Variants in MAPK14 observed in about 807,000 individuals in gnomAD.
The protein encoded by MAPK14 is mitogen-activated protein kinase 14, also known as CSAID-binding protein.
A neutral mutation model predicts 49.6 loss-of-function variants in MAPK14; 16 were observed. The observed-to-expected ratio is 0.32, with a 90% CI of 0.22 to 0.49. The LOEUF (loss-of-function observed/expected upper bound fraction) is 0.49. Ranked by LOEUF, MAPK14 falls within the 20% of genes least tolerant of loss-of-function variation. The probability of loss-of-function intolerance (pLI) is 0.99; values close to 1 mark genes in which losing one functional copy is unlikely to be tolerated. For missense variants in MAPK14, 200 were observed against 441.2 expected (o/e 0.45, Z 4.90); for synonymous variants, 142 against 158.0 (o/e 0.90, Z 0.76).
At chr6:36,053,189 A>G (rs1271879754) in intron 2 of MAPK14, among the ~76,000 whole-genome samples, 2 of 148,172 alleles carry the variant, frequency 1.3e-5, no homozygotes, top group African/African-American at 4.9e-5. Context: ...TTATGAGAAT[A>G]TGGGAGTCTG....
chr6:36,028,177 C>A lies in MAPK14; in HGVS notation c.20C>A (p.Thr7Lys), dbSNP rs199820420. MSQERP[T>K]FYRQELNKTI... is the part of the protein sequence containing the mutation. ...TGGAAAATGTCTCAGGAGAGGCCCA[C>A]GTTCTACCGGCAGGAGCTGAACAAG... The change falls in exon 1 of 12, where the codon ACG (threonine) becomes AAG (lysine). Residue 7 changes from threonine (T) to lysine (K), a missense_variant. Transcript: ENST00000229794. The surrounding 1 kb of genome is among the most constrained non-coding windows in gnomAD (Gnocchi z 5.1). 3.1e-6 allele frequency: 5 copies of A among 1,613,270 alleles called. No homozygotes were observed. In the African/African-American group the frequency reaches 6.7e-5, roughly 22 times the overall value.
Position 36,074,614 on chromosome 6 carries a change from C to T in MAPK14, c.495+518C>T, listed in dbSNP as rs530741330. 5.0e-4 allele frequency among the ~76,000 whole-genome samples: 75 copies of T among 150,992 alleles called. 1 individual carries two copies. In the East Asian group the frequency reaches 0.012, roughly 24 times the overall value. On this transcript the variant is annotated intron_variant, in intron 6 of 11. Transcript: ENST00000229794. ...CTCACATTTATGATAAAGACCATTT[C>T]TTTTTTTTTCCTTTTTTTTGGGATG... is the stretch of plus-strand genomic sequence containing the variant.
intron 8 of MAPK14, among the ~76,000 whole-genome samples, chr6:36,089,134 G>A (rs929303407): frequency 6.6e-6 from 1 of 152,194 alleles, no homozygotes; most frequent in African/African-American, 2.4e-5. Flanking sequence ...ATTCAGAATA[G>A]CAAAGACATG....
At chr6:36,105,312 G>A (rs572867685) in intron 10 of MAPK14, among the ~76,000 whole-genome samples, 2 of 152,026 alleles carry the variant, frequency 1.3e-5, no homozygotes, top group Admixed American at 6.5e-5. Flanking sequence ...GCACAGTCAC[G>A]GTTCATGATA....
rs112739329 is a variant in MAPK14, at chr6:36,053,440, G to A, written c.246+612G>A. Among the ~76,000 whole-genome samples, 1,355 of 151,918 alleles carry A rather than the reference G, an allele frequency of 8.9e-3. 13 individuals carry two copies. Among genetic ancestry groups the A allele is most frequent in the Non-Finnish European group, 0.013 (888 of 67,916 alleles). ...ACTTTTTCTTTTTTACCAATTTGTT[G>A]ATTCAGTTGCCATTCTGCAAAGATG... On this transcript the variant is annotated intron_variant, in intron 2 of 11. Transcript: ENST00000229794.
At chr6:36,039,487 G>C (rs769045233) in intron 1 of MAPK14, among the ~76,000 whole-genome samples, 22 of 151,702 alleles carry the variant, frequency 1.5e-4, no homozygotes, top group Non-Finnish European at 3.2e-4. Context: ...GTGTGTGTGA[G>C]TATGTGTGTC....
chr6:36,082,925 C>T (rs923748762), intron 8 of MAPK14, among the ~76,000 whole-genome samples: 6 of 152,180 alleles, frequency 3.9e-5, no homozygotes, highest in Non-Finnish European at 8.8e-5. Context: ...TAGATCCCTT[C>T]AAGTTATCTT....
chr6:36,092,619 G>T, intron 8 of MAPK14: 1 of 411,072 alleles, frequency 2.4e-6, no homozygotes, highest in Non-Finnish European at 4.7e-6. Flanking sequence ...TTTCCATTCT[G>T]AGACAATTCA....
intron 2 of MAPK14, among the ~76,000 whole-genome samples, chr6:36,056,513 C>T (rs1255442606): frequency 6.6e-6 from 1 of 152,222 alleles, no homozygotes; most frequent in East Asian, 1.9e-4. Flanking sequence ...ATTATAAGCT[C>T]TTGGACCCAA....
intron 3 of MAPK14, among the ~76,000 whole-genome samples, chr6:36,063,017 TTTTAA>T (rs1395865630): frequency 6.6e-6 from 1 of 152,188 alleles, no homozygotes; most frequent in Non-Finnish European, 1.5e-5. Context: ...CGGTTAGCAC[TTTTAA>T]TTTATATACA....
chr6:36,098,481 G>A (rs9462157), intron 9 of MAPK14, among the ~76,000 whole-genome samples: 7,286 of 152,146 alleles, frequency 0.048, 433 homozygotes, highest in African/African-American at 0.13. Flanking sequence ...GAGGCTGCAG[G>A]GAGTGGTGAT....
intron 1 of MAPK14, among the ~76,000 whole-genome samples, chr6:36,052,331 A>G (rs1452118555): frequency 1.3e-5 from 2 of 152,162 alleles, no homozygotes; most frequent in East Asian, 3.9e-4. Flanking sequence ...TGTAAATTTT[A>G]TTAGAACACA....
intron 8 of MAPK14, among the ~76,000 whole-genome samples, chr6:36,079,521 C>G (rs952344375): frequency 2.0e-5 from 3 of 152,054 alleles, no homozygotes; most frequent in Non-Finnish European, 4.4e-5. Context: ...AAAAAAATCT[C>G]GTAATGTTTT....
downstream of MAPK14, among the ~76,000 whole-genome samples, chr6:36,114,116 A>G (rs575828407): frequency 6.6e-6 from 1 of 152,320 alleles, no homozygotes; most frequent in South Asian, 2.1e-4. Context: ...TCTACCCACT[A>G]ATGCCAGTAG....
Position 36,040,316 on chromosome 6 carries a change from G to A in MAPK14, c.116+12043G>A, listed in dbSNP as rs567216396. Among the ~76,000 whole-genome samples, 52 of 152,214 alleles carry A rather than the reference G, an allele frequency of 3.4e-4. No homozygotes were observed. In the South Asian group the frequency reaches 1.0e-2, roughly 29 times the overall value. ...TAGACATTGCCACATATCTCTTGAC[G>A]GGTAGGGAGGGCAAAATCACCTTTA... On this transcript the variant is annotated intron_variant, in intron 1 of 11. Transcript: ENST00000229794.
the MAPK14 span, among the ~76,000 whole-genome samples, chr6:36,124,172 C>T: frequency 7.4e-6 from 1 of 135,068 alleles, no homozygotes; most frequent in East Asian, 2.5e-4. Flanking sequence ...TCCTTCCTTC[C>T]TTCCTGCCTT....
intron 1 of MAPK14, among the ~76,000 whole-genome samples, chr6:36,034,906 T>C (rs1404973364): frequency 6.7e-6 from 1 of 149,114 alleles, no homozygotes; most frequent in Non-Finnish European, 1.5e-5. Flanking sequence ...TCTTTTTTTT[T>C]TTTTTTTTTT....
At chr6:36,097,261 T>C (rs1765477021) in intron 9 of MAPK14, 1 of 152,276 alleles carries the variant, frequency 6.6e-6, no homozygotes, top group South Asian at 2.1e-4. Flanking sequence ...CTTTTCCATG[T>C]CATGCACTGA....
chr6:36,057,528 T>C (rs1157692141), intron 2 of MAPK14, among the ~76,000 whole-genome samples: 1 of 152,170 alleles, frequency 6.6e-6, no homozygotes, highest in Non-Finnish European at 1.5e-5. Flanking sequence ...CCTTTTCAGG[T>C]TCAGACTGTA....
Sources: gnomAD v4.1 joint callset for allele counts (sites outside exome capture counted in the v4.1 genomes callset) on GRCh38, gnomAD v4.1.1 for gene constraint, Gnocchi (gnomAD v3.1) non-coding constraint, MANE v1.5 for transcripts, NCBI Gene and HGNC (gene_info 2026-07-23, HGNC 2026-07-21) for gene names.